Variants in SAMMSON observed in about 807,000 individuals in gnomAD.
The protein encoded by SAMMSON is long intergenic non-protein coding RNA 1212.
intron 4 of SAMMSON, among the ~76,000 whole-genome samples, chr3:70,115,491 T>C (rs1008903139): frequency 6.6e-6 from 1 of 152,162 alleles, no homozygotes; most frequent in African/African-American, 2.4e-5. Flanking sequence ...ACGTATCTAG[T>C]TTAAATTAAG....
At chr3:70,230,755 C>T (rs907203929) in intron 4 of SAMMSON, among the ~76,000 whole-genome samples, 3 of 152,218 alleles carry the variant, frequency 2.0e-5, no homozygotes, top group Admixed American at 6.5e-5. Flanking sequence ...CCTTCACCCT[C>T]CTTGAGTTTT....
intron 9 of SAMMSON, among the ~76,000 whole-genome samples, chr3:70,369,576 A>T (rs2106745054): frequency 1.3e-5 from 2 of 151,582 alleles, no homozygotes; most frequent in Admixed American, 1.3e-4. Flanking sequence ...GTTGAATAAG[A>T]GGAATCAGAG....
intron 2 of SAMMSON, among the ~76,000 whole-genome samples, chr3:70,411,109 G>A (rs1361767638): frequency 1.3e-5 from 2 of 152,096 alleles, no homozygotes; most frequent in East Asian, 1.9e-4. Flanking sequence ...ATTGATCTAC[G>A]TAAAATAGCA....
chr3:70,237,593 A>C (rs1559542016), intron 4 of SAMMSON, among the ~76,000 whole-genome samples: 1 of 152,132 alleles, frequency 6.6e-6, no homozygotes, highest in Non-Finnish European at 1.5e-5. Context: ...ATGTTTTTAT[A>C]CTCCCACAGA....
At chr3:70,155,325 A>G (rs2067587825) in intron 4 of SAMMSON, among the ~76,000 whole-genome samples, 1 of 151,966 alleles carries the variant, frequency 6.6e-6, no homozygotes, top group African/African-American at 2.4e-5. Flanking sequence ...GGCCTGAGGA[A>G]GGAAGCTCTT....
Position 70,290,429 on chromosome 3 carries a change from A to T in SAMMSON, n.675-750A>T, listed in dbSNP as rs552154714. Among the ~76,000 whole-genome samples the T allele has an allele frequency of 3.6e-4, 55 of 152,316 alleles. No homozygotes were observed. The South Asian group carries it at 0.01, about 29-fold the overall frequency. On this transcript the variant is annotated intron_variant and non_coding_transcript_variant, in intron 6 of 9. Coordinates refer to ENST00000642114, the Ensembl canonical transcript of SAMMSON. ...GCAGTCTGCCCCTTCTCAGATCTCC[A>T]GCTGCGTACTGGGAGAACCACTGCT...
At chr3:70,301,470 A>G (rs1231296776) in intron 7 of SAMMSON, among the ~76,000 whole-genome samples, 1 of 152,130 alleles carries the variant, frequency 6.6e-6, no homozygotes, top group South Asian at 2.1e-4. Context: ...CAACTGAATT[A>G]TAAGTTTCTT....
chr3:70,153,317 C>G (rs1034128521), intron 4 of SAMMSON, among the ~76,000 whole-genome samples: 2 of 151,858 alleles, frequency 1.3e-5, no homozygotes, highest in African/African-American at 4.8e-5. Flanking sequence ...AATCAAATGT[C>G]AGCTCTACAG....
At chr3:70,112,319 C>T (rs1027739146) in intron 4 of SAMMSON, among the ~76,000 whole-genome samples, 2 of 152,092 alleles carry the variant, frequency 1.3e-5, no homozygotes, top group African/African-American at 4.8e-5. Flanking sequence ...TGTACAATTA[C>T]GTACCCTACA....
intron 9 of SAMMSON, among the ~76,000 whole-genome samples, chr3:70,359,852 C>T (rs1416464047): frequency 3.9e-5 from 6 of 152,050 alleles, no homozygotes; most frequent in African/African-American, 1.4e-4. Context: ...TTAGCATATA[C>T]TTTTCTCCAT....
At chr3:70,280,019 C>T (rs562967128) in intron 6 of SAMMSON, among the ~76,000 whole-genome samples, 1 of 152,240 alleles carries the variant, frequency 6.6e-6, no homozygotes, top group African/African-American at 2.4e-5. Flanking sequence ...GTTCTTGAGG[C>T]CAGAAGTGTG....
At chr3:70,160,774 A>C (rs1419484550) in intron 4 of SAMMSON, among the ~76,000 whole-genome samples, 3 of 152,124 alleles carry the variant, frequency 2.0e-5, no homozygotes, top group African/African-American at 7.2e-5. Flanking sequence ...TTGAATCCAT[A>C]GATAAATTGG....
At chr3:70,222,054 C>G (rs1032744716) in intron 4 of SAMMSON, among the ~76,000 whole-genome samples, 1 of 152,066 alleles carries the variant, frequency 6.6e-6, no homozygotes, top group African/African-American at 2.4e-5. Flanking sequence ...TAAATAACAA[C>G]AACAATATTA....
intron 4 of SAMMSON, among the ~76,000 whole-genome samples, chr3:70,078,116 G>A (rs913474659): frequency 6.6e-6 from 1 of 152,146 alleles, no homozygotes; most frequent in African/African-American, 2.4e-5. Flanking sequence ...GAAGATGGGG[G>A]TGGGGAGGAG....
chr3:70,005,448 C>T (rs1407870409), intron 1 of SAMMSON, among the ~76,000 whole-genome samples: 1 of 152,132 alleles, frequency 6.6e-6, no homozygotes, highest in African/African-American at 2.4e-5. Flanking sequence ...CCTTCTTTCT[C>T]CATGTGGTGT....
intron 3 of SAMMSON, among the ~76,000 whole-genome samples, chr3:70,050,140 G>A (rs1325213243): frequency 6.6e-6 from 1 of 152,094 alleles, no homozygotes; most frequent in Non-Finnish European, 1.5e-5. Flanking sequence ...CCAGAGAGAA[G>A]AACTGCCCCA....
intron 4 of SAMMSON, among the ~76,000 whole-genome samples, chr3:70,130,430 A>T (rs1028620433): frequency 6.6e-6 from 1 of 152,208 alleles, no homozygotes; most frequent in Non-Finnish European, 1.5e-5. Context: ...GCATTTCCAA[A>T]GTTGGCCATA....
At chr3:70,333,525 C>T (rs777425143) in intron 7 of SAMMSON, among the ~76,000 whole-genome samples, 1 of 152,140 alleles carries the variant, frequency 6.6e-6, no homozygotes, top group Non-Finnish European at 1.5e-5. Flanking sequence ...CACACTCATA[C>T]GGATTCTGTG....
intron 4 of SAMMSON, among the ~76,000 whole-genome samples, chr3:70,198,693 T>C (rs1056174953): frequency 3.9e-5 from 6 of 152,180 alleles, no homozygotes; most frequent in Non-Finnish European, 1.5e-5. Flanking sequence ...TTGTCATATA[T>C]TGTTGCAGGT....
Sources: allele counts gnomAD v4.1 joint callset (sites outside exome capture counted in the v4.1 genomes callset), GRCh38; gene constraint gnomAD v4.1.1; transcripts MANE v1.5; gene names NCBI Gene and HGNC (gene_info 2026-07-23, HGNC 2026-07-21).